The following STXBP4 variants were observed in gnomAD, a reference collection of about 807,000 sequenced individuals.
The protein encoded by STXBP4 is syntaxin-binding protein 4.
A neutral mutation model predicts 76.1 loss-of-function variants in STXBP4; 55 were observed. The observed-to-expected ratio is 0.72, with a 90% CI of 0.58 to 0.91. STXBP4 has a LOEUF of 0.91. Among genes scored for constraint, STXBP4 ranks in the 40% least tolerant of loss-of-function variants. The pLI is 0.00. For missense variants in STXBP4, 618 were observed against 636.9 expected (o/e 0.97, Z 0.32); for synonymous variants, 201 against 220.2 (o/e 0.91, Z 0.77).
In STXBP4 at chr17:55,125,479, C is replaced by CAAAAAAAAA. The variant is rs10632680; in HGVS notation, c.1490-15818_1490-15810dup. 4.6e-3 allele frequency among the ~76,000 whole-genome samples: 419 copies of CAAAAAAAAA among 91,668 alleles called. 9 individuals are homozygous for CAAAAAAAAA. The highest frequency in any genetic ancestry group is 8.1e-3 in the Middle Eastern group (1 of 124). 60.1% of individuals were successfully genotyped at this position (91,668 alleles called of 152,430 possible). A position where few individuals can be genotyped will look rare whatever the true frequency, so the allele number is the denominator to read the frequency against. On this transcript the variant is annotated intron_variant, in intron 16 of 17. Transcript: ENST00000376352. Reference sequence around the variant, plus strand: ...CCTATTGTAAACCCTGGACAAAATACAAAAAAAAAAAAAAAAAAAAATACA... The same window carrying CAAAAAAAAA: ...CCTATTGTAAACCCTGGACAAAATACAAAAAAAAAAAAAAAAAAAAAAAAAAAAAATACA...
At chr17:55,132,537 C>G (rs1030864685) in intron 16 of STXBP4, among the ~76,000 whole-genome samples, 2 of 152,166 alleles carry the variant, frequency 1.3e-5, no homozygotes, top group African/African-American at 4.8e-5. Context: ...AAAGAACTCT[C>G]CTCCCAAATT....
At position 55,166,016 on chromosome 17, in the gene STXBP4, C is replaced by T. The variant is rs1308221890; in HGVS notation, c.*6105C>T. On this transcript the variant is annotated 3_prime_UTR_variant, in exon 18 of 18. Transcript: ENST00000376352. ...CTCCTGAATGGACTAAGACAGCCCA[C>T]AGAGTTTAGCAGTGACCCCAAGGAA... 1 of 152,186 alleles carries T rather than the reference C, an allele frequency of 6.6e-6. No individual in the cohort carries two copies. Among genetic ancestry groups the T allele is most frequent in the Non-Finnish European group, 1.5e-5 (1 of 68,036 alleles). The allele number at this position is 152,186 out of a possible 1,614,324, so 9.4% of individuals were successfully genotyped here. A position where few individuals can be genotyped will look rare whatever the true frequency, so the allele number is the denominator to read the frequency against.
rs2080351739 is a variant in STXBP4, at chr17:55,163,130, C to T, written c.*3219C>T. 1 of 151,712 alleles carries T rather than the reference C, an allele frequency of 6.6e-6. No homozygotes were observed. Among genetic ancestry groups the T allele is most frequent in the African/African-American group, 2.4e-5 (1 of 41,282 alleles). The allele number at this position is 151,712 out of a possible 1,614,324, so 9.4% of individuals were successfully genotyped here. On this transcript the variant is annotated 3_prime_UTR_variant, in exon 18 of 18. Transcript: ENST00000376352. The stretch of plus-strand genomic sequence containing the variant: ...AAATTCTCCATAAAAGTAGGACCAA[C>T]TTACATTACCACCAATAGTGTATGT...
the STXBP4 span, among the ~76,000 whole-genome samples, chr17:55,185,564 A>C: frequency 6.6e-6 from 1 of 152,164 alleles, no homozygotes; most frequent in South Asian, 2.1e-4. Context: ...TATTATTTCA[A>C]AATGAAAATG....
At position 55,031,169 on chromosome 17, in the gene STXBP4, C is replaced by T. The variant is rs746073998; in HGVS notation, c.668C>T (p.Ala223Val). The change falls in exon 9 of 18, where the codon GCT becomes GTT. Residue 223 changes from alanine to valine, a missense_variant and splice_region_variant. Transcript: ENST00000376352. Reference protein sequence around the residue: ...VRFKAEKLEMALNYLGIQPTK... With the variant: ...VRFKAEKLEMVLNYLGIQPTK... ...TTTCATGAGTCCTTTATCTTCCAGG[C>T]TCTAAATTATCTTGGTATTCAGCCC... 1.9e-6 allele frequency: 3 copies of T among 1,611,936 alleles called. No homozygotes were observed. The highest frequency in any genetic ancestry group is 1.1e-5 in the South Asian group (1 of 90,930).
At chr17:54,991,202 A>T (rs1165038741) in intron 4 of STXBP4, 1 of 234,644 alleles carries the variant, frequency 4.3e-6, no homozygotes, top group South Asian at 1.6e-4. Context: ...TTTTTAAATT[A>T]CATGCTGTTC....
intron 3 of STXBP4, among the ~76,000 whole-genome samples, chr17:54,990,053 A>T (rs2077690307): frequency 6.6e-6 from 1 of 152,166 alleles, no homozygotes; most frequent in Non-Finnish European, 1.5e-5. Context: ...CCTTTAATAC[A>T]TTTTTGTCCT....
chr17:54,979,338 C>T (rs2077516015), intron 1 of STXBP4, among the ~76,000 whole-genome samples: 2 of 152,164 alleles, frequency 1.3e-5, no homozygotes, highest in Non-Finnish European at 2.9e-5. Context: ...CCAGCCACAT[C>T]TTCCTTTTTG....
chr17:55,067,588 T>C (rs899804733), intron 12 of STXBP4, among the ~76,000 whole-genome samples: 1 of 152,116 alleles, frequency 6.6e-6, no homozygotes, highest in Non-Finnish European at 1.5e-5. Flanking sequence ...TAGAGAACTT[T>C]GAAGAATGAA....
At chr17:55,139,020 T>G (rs909893700) in intron 16 of STXBP4, among the ~76,000 whole-genome samples, 1 of 152,138 alleles carries the variant, frequency 6.6e-6, no homozygotes, top group Admixed American at 6.6e-5. Context: ...ACTTATTTTC[T>G]CAGAACAGAG....
the STXBP4 span, among the ~76,000 whole-genome samples, chr17:55,197,204 G>A: frequency 1.3e-5 from 2 of 152,216 alleles, no homozygotes; most frequent in African/African-American, 2.4e-5. Context: ...TGATTCTAAT[G>A]TGCAGACAAG....
Position 55,096,712 on chromosome 17 carries a change from A to G in STXBP4, c.1489+15529A>G, listed in dbSNP as rs145681583. ...TAAGCATCATGGAGATCTCACAGTA[A>G]GAAACAAAAGCTCTCTTTGGGACTA... is the stretch of plus-strand genomic sequence containing the variant. On this transcript the variant is annotated intron_variant, in intron 16 of 17. Coordinates refer to ENST00000376352, the MANE Select transcript of STXBP4 (RefSeq NM_178509.6). Among the ~76,000 whole-genome samples, 3 of 152,208 alleles carry G rather than the reference A, an allele frequency of 2.0e-5. No homozygotes were observed. In the East Asian group the frequency reaches 5.8e-4, roughly 29 times the overall value.
At chr17:54,970,908 T>C (rs1289144924) in intron 1 of STXBP4, among the ~76,000 whole-genome samples, 1 of 152,240 alleles carries the variant, frequency 6.6e-6, no homozygotes, top group Admixed American at 6.5e-5. Flanking sequence ...AAAGAAAATA[T>C]GCATTGTATC....
At chr17:54,991,808 TTA>T (rs1356794112) in intron 4 of STXBP4, 2 of 150,832 alleles carry the variant, frequency 1.3e-5, no homozygotes, top group African/African-American at 4.8e-5. Context: ...TTTAATAAAA[TTA>T]TATTAATAAT....
chr17:55,013,167 C>T (rs1391261638), intron 8 of STXBP4, among the ~76,000 whole-genome samples: 2 of 152,242 alleles, frequency 1.3e-5, no homozygotes, highest in East Asian at 3.8e-4. Context: ...TTTGCCACTA[C>T]ATCAGTTTCC....
chr17:55,077,946 C>T lies in STXBP4; in HGVS notation c.1189-132C>T, dbSNP rs1016068453. 9.4e-6 allele frequency: 5 copies of T among 534,420 alleles called. No homozygotes were observed. In the Admixed American group the frequency reaches 1.6e-4, roughly 17 times the overall value. The allele number at this position is 534,420 out of a possible 1,614,324, so 33.1% of individuals were successfully genotyped here. A position where few individuals can be genotyped will look rare whatever the true frequency, so the allele number is the denominator to read the frequency against. ...CAGTTAGTTACATGCCCCCCAAAAT[C>T]AAAACATATGTACAGTAAGAGAAAA... On this transcript the variant is annotated intron_variant, in intron 13 of 17. Coordinates refer to ENST00000376352, the MANE Select transcript of STXBP4 (RefSeq NM_178509.6).
chr17:55,102,629 T>A (rs1337324088), intron 16 of STXBP4, among the ~76,000 whole-genome samples: 1 of 152,212 alleles, frequency 6.6e-6, no homozygotes, highest in African/African-American at 2.4e-5. Flanking sequence ...TATAATCCTT[T>A]GGGTATATAC....
At chr17:55,006,454 A>C (rs2078009391) in intron 7 of STXBP4, among the ~76,000 whole-genome samples, 1 of 152,200 alleles carries the variant, frequency 6.6e-6, no homozygotes. Flanking sequence ...AATATCATTT[A>C]AAAGTGTATT....
At chr17:55,185,251 C>CTTCTTCTTCTTCTTCTT in the STXBP4 span, among the ~76,000 whole-genome samples, 13 of 49,376 alleles carry the variant, frequency 2.6e-4, no homozygotes, top group African/African-American at 8.7e-4. Context: ...TTCTTCTTCT[C>CTTCTTCTTCTTCTTCTT]CTTCTCCTTC....
Sources: gnomAD v4.1 joint callset for allele counts (sites outside exome capture counted in the v4.1 genomes callset) on GRCh38, gnomAD v4.1.1 for gene constraint, MANE v1.5 for transcripts, NCBI Gene and HGNC (gene_info 2026-07-23, HGNC 2026-07-21) for gene names.